Variants in KCND2 observed in about 807,000 individuals in gnomAD.
KCND2 encodes potassium voltage-gated channel subfamily D member 2, also known as A-type voltage-gated potassium channel KCND2.
In KCND2, 16 loss-of-function variants were observed where a neutral mutation model predicts 54.4. The ratio of observed to expected loss-of-function variants is 0.29; its 90% confidence interval spans 0.20 to 0.45. KCND2 has a LOEUF of 0.45. KCND2 is among the 20% of genes least tolerant of loss of function. The pLI, the probability that KCND2 is intolerant of heterozygous loss-of-function variation, is 1.00. For missense variants in KCND2, 486 were observed against 824.2 expected (o/e 0.59, Z 5.02); for synonymous variants, 317 against 310.7 (o/e 1.02, Z -0.21).
intron 1 of KCND2, among the ~76,000 whole-genome samples, chr7:120,459,290 G>A (rs1802247002): frequency 6.6e-6 from 1 of 152,034 alleles, no homozygotes; most frequent in African/African-American, 2.4e-5. Flanking sequence ...GGCTCTTATT[G>A]TGTTCTTATC....
At chr7:120,641,149 A>C (rs913284543) in intron 1 of KCND2, among the ~76,000 whole-genome samples, 1 of 152,182 alleles carries the variant, frequency 6.6e-6, no homozygotes, top group African/African-American at 2.4e-5. Flanking sequence ...ATAAGTCCTC[A>C]AAGTTTCACT....
At chr7:120,525,913 T>A (rs986795264) in intron 1 of KCND2, among the ~76,000 whole-genome samples, 1 of 152,196 alleles carries the variant, frequency 6.6e-6, no homozygotes, top group Non-Finnish European at 1.5e-5. Flanking sequence ...AACATCATTG[T>A]AACCTAATGG....
intron 1 of KCND2, among the ~76,000 whole-genome samples, chr7:120,449,731 G>T (rs1242103625): frequency 1.3e-5 from 2 of 152,162 alleles, no homozygotes; most frequent in Non-Finnish European, 1.5e-5. Flanking sequence ...CCTTAGTTAA[G>T]CCTGCCACTC....
At chr7:120,629,156 G>A (rs570212417) in intron 1 of KCND2, among the ~76,000 whole-genome samples, 4 of 152,312 alleles carry the variant, frequency 2.6e-5, no homozygotes, top group African/African-American at 9.6e-5. Flanking sequence ...ACAAGTTGAA[G>A]GGCCCTGAAG....
At chr7:120,694,460 A>G (rs1173511367) in intron 1 of KCND2, among the ~76,000 whole-genome samples, 1 of 152,186 alleles carries the variant, frequency 6.6e-6, no homozygotes, top group Non-Finnish European at 1.5e-5. Flanking sequence ...AGGGCTAAAT[A>G]CAGAACCAAG....
At chr7:120,327,965 C>T (rs1055754318) in intron 1 of KCND2, among the ~76,000 whole-genome samples, 7 of 152,120 alleles carry the variant, frequency 4.6e-5, no homozygotes, top group Non-Finnish European at 1.0e-4. Flanking sequence ...CCTAAATCTG[C>T]AGATTCAATA....
chr7:120,712,553 G>A (rs183262089), intron 1 of KCND2, among the ~76,000 whole-genome samples: 4 of 151,872 alleles, frequency 2.6e-5, no homozygotes, highest in Non-Finnish European at 4.4e-5. Context: ...GATCCACTGC[G>A]CCTGGCCTGA....
At chr7:120,395,933 C>T (rs1245834449) in intron 1 of KCND2, among the ~76,000 whole-genome samples, 1 of 151,974 alleles carries the variant, frequency 6.6e-6, no homozygotes, top group Admixed American at 6.6e-5. Flanking sequence ...GGGCCTCCTA[C>T]CTCGTCCTCA....
chr7:120,723,054 C>T (rs537518767), intron 1 of KCND2, among the ~76,000 whole-genome samples: 1 of 152,108 alleles, frequency 6.6e-6, no homozygotes, highest in Non-Finnish European at 1.5e-5. Context: ...GGAGTTTCAT[C>T]CAACAGAGTT....
intron 1 of KCND2, among the ~76,000 whole-genome samples, chr7:120,371,928 C>G (rs924193915): frequency 6.6e-6 from 1 of 151,862 alleles, no homozygotes; most frequent in Non-Finnish European, 1.5e-5. Flanking sequence ...GAACGTATCC[C>G]TGGTGTTAAG....
intron 1 of KCND2, among the ~76,000 whole-genome samples, chr7:120,596,914 G>A (rs1037878788): frequency 2.0e-5 from 3 of 152,186 alleles, no homozygotes; most frequent in South Asian, 2.1e-4. Flanking sequence ...TTCTATGTGC[G>A]AGGCACTGTG....
At chr7:120,338,929 G>C (rs1036949099) in intron 1 of KCND2, among the ~76,000 whole-genome samples, 1 of 151,950 alleles carries the variant, frequency 6.6e-6, no homozygotes, top group African/African-American at 2.4e-5. Flanking sequence ...GCCCAGGCTG[G>C]AGTGCAGTGG....
At position 120,650,279 on chromosome 7, in the gene KCND2, G is replaced by A. The variant is rs1211349889; in HGVS notation, c.1116-82624G>A. ...AATCAGCTGTAGATTTGGTCTTTTCGTATAGTCCCATATTTCTTGGAGGCT... is the reference window on the plus strand; with the variant it reads ...AATCAGCTGTAGATTTGGTCTTTTCATATAGTCCCATATTTCTTGGAGGCT... On this transcript the variant is annotated intron_variant, in intron 1 of 5. Transcript: ENST00000331113. Among the ~76,000 whole-genome samples, 61 of 142,672 alleles carry A rather than the reference G, an allele frequency of 4.3e-4. 13 individuals are homozygous for A. The highest frequency in any genetic ancestry group is 1.3e-3 in the African/African-American group (47 of 36,258). 93.6% of individuals were successfully genotyped at this position (142,672 alleles called of 152,430 possible). A position where few individuals can be genotyped will look rare whatever the true frequency, so the allele number is the denominator to read the frequency against.
intron 1 of KCND2, among the ~76,000 whole-genome samples, chr7:120,488,138 T>A (rs1031459014): frequency 2.6e-5 from 4 of 152,054 alleles, no homozygotes; most frequent in African/African-American, 9.7e-5. Flanking sequence ...GAGGCTGCAG[T>A]GAGCTGAGAT....
At chr7:120,655,108 G>T (rs1236207082) in intron 1 of KCND2, among the ~76,000 whole-genome samples, 7 of 151,448 alleles carry the variant, frequency 4.6e-5, no homozygotes, top group Non-Finnish European at 8.9e-5. Flanking sequence ...ATTCACAAGG[G>T]TTATACATGT....
chr7:120,491,513 A>G (rs1248552811), intron 1 of KCND2, among the ~76,000 whole-genome samples: 1 of 152,120 alleles, frequency 6.6e-6, no homozygotes, highest in Non-Finnish European at 1.5e-5. Context: ...TATATGTGTT[A>G]AAATGTTTAC....
chr7:120,717,938 C>T (rs573500258), intron 1 of KCND2, among the ~76,000 whole-genome samples: 1 of 152,112 alleles, frequency 6.6e-6, no homozygotes, highest in African/African-American at 2.4e-5. Context: ...CCTTTCCACA[C>T]TTAGCACAGT....
chr7:120,316,161 A>G lies in KCND2; in HGVS notation c.1115+40414A>G, dbSNP rs920948537. ...ATCTTCCATTTTAGAAACCTAAAAG[A>G]AAAAACTATACTCTTTTACATTTGC... On this transcript the variant is annotated intron_variant, in intron 1 of 5. Transcript: ENST00000331113. 7.9e-5 allele frequency among the ~76,000 whole-genome samples: 12 copies of G among 152,250 alleles called. 2 individuals carry two copies. The highest frequency in any genetic ancestry group is 7.2e-4 in the Admixed American group (11 of 15,296).
intron 1 of KCND2, among the ~76,000 whole-genome samples, chr7:120,653,128 G>C (rs576542398): frequency 6.6e-6 from 1 of 151,638 alleles, no homozygotes; most frequent in African/African-American, 2.4e-5. Flanking sequence ...TGCCTCCCAA[G>C]CTCAAGAAAT....
Sources: allele counts gnomAD v4.1 joint callset (sites outside exome capture counted in the v4.1 genomes callset), GRCh38; gene constraint gnomAD v4.1.1; transcripts MANE v1.5; gene names NCBI Gene and HGNC (gene_info 2026-07-23, HGNC 2026-07-21).